The following ARID5B variants were observed in gnomAD, a reference collection of about 807,000 sequenced individuals.
The protein encoded by ARID5B is AT-rich interaction domain 5B, also known as AT-rich interactive domain-containing protein 5B.
Under a neutral mutation model 97.2 loss-of-function variants are expected in ARID5B, and 13 were observed. The observed-to-expected ratio is 0.13, with a 90% CI of 0.09 to 0.21. ARID5B has a LOEUF of 0.21. Among genes scored for constraint, ARID5B ranks in the 10% least tolerant of loss-of-function variants. ARID5B has a pLI of 1.00. For missense variants in ARID5B, 1,210 were observed against 1,465.3 expected, an observed-to-expected ratio of 0.83 and a Z score of 2.84; for synonymous variants, 556 against 570.3, an observed-to-expected ratio of 0.97 and a Z score of 0.36.
At chr10:61,978,977 G>T (rs989498368) in intron 3 of ARID5B, among the ~76,000 whole-genome samples, 15 of 152,170 alleles carry the variant, frequency 9.9e-5, no homozygotes, top group Admixed American at 2.6e-4. Flanking sequence ...TGTCCGTTCA[G>T]TATGATATTG....
intron 4 of ARID5B, 130 bp from the exon 5 acceptor site, chr10:62,050,758 G>A (rs1392760643): frequency 1.4e-6 from 1 of 729,444 alleles, no homozygotes; most frequent in Non-Finnish European, 2.3e-6. Flanking sequence ...TAATAATGAG[G>A]GCTGCCTGCC....
intron 3 of ARID5B, among the ~76,000 whole-genome samples, chr10:61,945,983 A>G (rs1046494993): frequency 6.7e-6 from 1 of 148,462 alleles, no homozygotes; most frequent in African/African-American, 2.4e-5. Flanking sequence ...AATACATATT[A>G]TATATGACTA....
At chr10:61,977,535 T>A in intron 3 of ARID5B, among the ~76,000 whole-genome samples, 1 of 152,250 alleles carries the variant, frequency 6.6e-6, no homozygotes, top group Admixed American at 6.5e-5. Flanking sequence ...TCCTGACTTT[T>A]TAATGATTGC....
At position 61,992,306 on chromosome 10, in the gene ARID5B, C is replaced by A. The variant is rs187906831; in HGVS notation, c.503-7785C>A. 2.8e-3 allele frequency among the ~76,000 whole-genome samples: 431 copies of A among 152,258 alleles called. 1 individual carries two copies. Among genetic ancestry groups the A allele is most frequent in the African/African-American group, 9.2e-3 (383 of 41,552 alleles). On this transcript the variant is annotated intron_variant, in intron 3 of 9. Coordinates refer to ENST00000279873, the MANE Select transcript of ARID5B (RefSeq NM_032199.3). The stretch of plus-strand genomic sequence containing the variant: ...CCGGTCGTGGCTTAGAATTCAGTGA[C>A]CCTTTGGGACAACCTTGGAGGTGGA...
At chr10:61,910,939 T>A (rs1289185025) in intron 2 of ARID5B, among the ~76,000 whole-genome samples, 1 of 152,188 alleles carries the variant, frequency 6.6e-6, no homozygotes, top group Non-Finnish European at 1.5e-5. Flanking sequence ...CACATCTCCA[T>A]TCCTGTGCCC....
intron 2 of ARID5B, among the ~76,000 whole-genome samples, chr10:61,905,758 A>G (rs1205150487): frequency 6.6e-6 from 1 of 152,234 alleles, no homozygotes; most frequent in Non-Finnish European, 1.5e-5. Flanking sequence ...AAAGGTCACC[A>G]GATGTCTAGG....
chr10:61,903,504 G>A (rs1228272114), intron 2 of ARID5B, among the ~76,000 whole-genome samples: 1 of 152,228 alleles, frequency 6.6e-6, no homozygotes, highest in Non-Finnish European at 1.5e-5. Context: ...CTGTGCCCAC[G>A]GCGCAGCGGG....
chr10:62,025,175 A>G (rs971461482), intron 4 of ARID5B: 1 of 152,320 alleles, frequency 6.6e-6, no homozygotes, highest in African/African-American at 2.4e-5. Flanking sequence ...GAAAGTGTAT[A>G]TAAATCAACT....
intron 4 of ARID5B, among the ~76,000 whole-genome samples, chr10:62,006,235 A>G (rs1371497858): frequency 6.6e-6 from 1 of 152,178 alleles, no homozygotes; most frequent in Non-Finnish European, 1.5e-5. Flanking sequence ...AGAGTTCAAG[A>G]GTTTGAGACC....
chr10:62,024,525 T>C (rs1839395789), intron 4 of ARID5B: 1 of 356,802 alleles, frequency 2.8e-6, no homozygotes, highest in Non-Finnish European at 5.0e-6. Flanking sequence ...GGATCATACC[T>C]CGGGACTTTA....
At chr10:62,038,035 G>A (rs1839587516) in intron 4 of ARID5B, among the ~76,000 whole-genome samples, 1 of 152,290 alleles carries the variant, frequency 6.6e-6, no homozygotes, top group South Asian at 2.1e-4. Flanking sequence ...TTTACTGGTA[G>A]TAAGATTTAA....
chr10:62,025,021 T>C (rs1839403738), intron 4 of ARID5B: 1 of 188,164 alleles, frequency 5.3e-6, no homozygotes, highest in Non-Finnish European at 1.1e-5. Context: ...GTAGAAGCAA[T>C]GTTTTAAAAG....
rs542933731 is a variant in ARID5B at position 62,027,965 on chromosome 10, A to G, written c.734-22923A>G. On this transcript the variant is annotated intron_variant, in intron 4 of 9. Coordinates refer to ENST00000279873, the MANE Select transcript of ARID5B (RefSeq NM_032199.3). ...GCCAAAACCTCAGCTTTATGGGAGGAAGGAGAAAGGGCATCCTGGAAACGC... is the reference window on the plus strand; with the variant it reads ...GCCAAAACCTCAGCTTTATGGGAGGGAGGAGAAAGGGCATCCTGGAAACGC... 2.0e-5 allele frequency among the ~76,000 whole-genome samples: 3 copies of G among 152,074 alleles called. No homozygotes were observed. In the East Asian group the frequency reaches 5.8e-4, roughly 29 times the overall value.
chr10:61,951,550 A>G (rs74657789), intron 3 of ARID5B, among the ~76,000 whole-genome samples: 2,944 of 152,324 alleles, frequency 0.019, 80 homozygotes, highest in African/African-American at 0.066. Flanking sequence ...AGGAGTATCC[A>G]GTGAACTTCC....
intron 2 of ARID5B, among the ~76,000 whole-genome samples, chr10:61,925,988 A>C (rs896716034): frequency 6.6e-6 from 1 of 152,174 alleles, no homozygotes; most frequent in African/African-American, 2.4e-5. Context: ...GGTGAGCAGG[A>C]TGGAAAAGGT....
At chr10:61,912,863 C>T (rs1391774768) in intron 2 of ARID5B, among the ~76,000 whole-genome samples, 4 of 151,994 alleles carry the variant, frequency 2.6e-5, no homozygotes, top group Non-Finnish European at 4.4e-5. Context: ...AGCTCTCCAA[C>T]GGAAGATGAG....
At chr10:62,025,551 A>T (rs1839409699) in intron 4 of ARID5B, among the ~76,000 whole-genome samples, 1 of 152,182 alleles carries the variant, frequency 6.6e-6, no homozygotes, top group South Asian at 2.1e-4. Flanking sequence ...TACTATATCC[A>T]CAGTTGGCAT....
intron 4 of ARID5B, chr10:62,024,550 A>C: frequency 2.7e-6 from 1 of 367,856 alleles, no homozygotes; most frequent in Non-Finnish European, 4.9e-6. Flanking sequence ...TTTGGGTCAA[A>C]TGTTTCCTGA....
intron 8 of ARID5B, among the ~76,000 whole-genome samples, chr10:62,081,918 T>C (rs1170107802): frequency 6.6e-6 from 1 of 152,198 alleles, no homozygotes; most frequent in African/African-American, 2.4e-5. Context: ...TGTATGATGA[T>C]AATTTAGTGG....
Sources: gnomAD v4.1 joint callset for allele counts (sites outside exome capture counted in the v4.1 genomes callset) on GRCh38, gnomAD v4.1.1 for gene constraint, MANE v1.5 for transcripts, NCBI Gene and HGNC (gene_info 2026-07-23, HGNC 2026-07-21) for gene names.